Variants in DPP10 observed in about 807,000 individuals in gnomAD.
DPP10 encodes the protein dipeptidyl peptidase like 10, also known as inactive dipeptidyl peptidase 10.
A neutral mutation model predicts 120.9 loss-of-function variants in DPP10; 33 were observed. That is an observed-to-expected ratio of 0.27 (90% confidence interval 0.21 to 0.37). The LOEUF is 0.37. Among genes scored for constraint, DPP10 ranks in the 10% least tolerant of loss-of-function variants. The pLI, the probability that DPP10 is intolerant of heterozygous loss-of-function variation, is 1.00. For missense variants in DPP10, 816 were observed against 942.8 expected (o/e 0.87, Z 1.76); for synonymous variants, 337 against 326.1 (o/e 1.03, Z -0.36).
chr2:114,740,278 G>A (rs1257864045), intron 1 of DPP10, among the ~76,000 whole-genome samples: 2 of 148,376 alleles, frequency 1.3e-5, no homozygotes, highest in African/African-American at 5.0e-5. Flanking sequence ...AACACCGCAT[G>A]TTCTCACTCA....
chr2:115,394,645 A>G (rs1297610780), intron 3 of DPP10, among the ~76,000 whole-genome samples: 1 of 152,170 alleles, frequency 6.6e-6, no homozygotes, highest in Non-Finnish European at 1.5e-5. Context: ...AGCCCATATC[A>G]GATGCAATCT....
At chr2:115,825,616 T>C (rs1688230908) in intron 21 of DPP10, among the ~76,000 whole-genome samples, 2 of 152,212 alleles carry the variant, frequency 1.3e-5, no homozygotes, top group African/African-American at 4.8e-5. Context: ...AATTCAAACC[T>C]TTCCTATTCT....
chr2:115,219,397 TC>T (rs2057016297), intron 1 of DPP10, among the ~76,000 whole-genome samples: 1 of 152,096 alleles, frequency 6.6e-6, no homozygotes, highest in African/African-American at 2.4e-5. Context: ...TAAATACTTT[TC>T]CATAATCATC....
chr2:115,403,570 T>A (rs564687542), intron 3 of DPP10, among the ~76,000 whole-genome samples: 38 of 152,122 alleles, frequency 2.5e-4, no homozygotes, highest in African/African-American at 8.4e-4. Context: ...CAGCTAATTT[T>A]TGTATTTTCA....
chr2:115,176,904 T>G (rs553852129), intron 1 of DPP10, among the ~76,000 whole-genome samples: 1 of 152,350 alleles, frequency 6.6e-6, no homozygotes, highest in African/African-American at 2.4e-5. Flanking sequence ...ACCTGCTCCC[T>G]TAGGCAATGC....
intron 3 of DPP10, among the ~76,000 whole-genome samples, chr2:115,399,035 G>C (rs530303905): frequency 6.6e-6 from 1 of 151,988 alleles, no homozygotes; most frequent in Non-Finnish European, 1.5e-5. Context: ...GATTTGTATC[G>C]TTGATTATGC....
At chr2:114,471,024 C>A (rs998584358) in intron 1 of DPP10, among the ~76,000 whole-genome samples, 1 of 152,084 alleles carries the variant, frequency 6.6e-6, no homozygotes, top group Non-Finnish European at 1.5e-5. Flanking sequence ...GTTTGGAGGG[C>A]AGTAGATGAG....
At chr2:114,770,423 A>G (rs1297663513) in intron 1 of DPP10, among the ~76,000 whole-genome samples, 1 of 152,222 alleles carries the variant, frequency 6.6e-6, no homozygotes, top group Non-Finnish European at 1.5e-5. Flanking sequence ...TATACATGCT[A>G]GTAGTAATAC....
chr2:115,038,693 T>TC, intron 1 of DPP10, among the ~76,000 whole-genome samples: 1 of 152,178 alleles, frequency 6.6e-6, no homozygotes, highest in Non-Finnish European at 1.5e-5. Context: ...GTCTCCTTAA[T>TC]TGTCACATAA....
At chr2:114,610,222 T>C (rs920088102) in intron 1 of DPP10, among the ~76,000 whole-genome samples, 2 of 152,168 alleles carry the variant, frequency 1.3e-5, no homozygotes, top group Non-Finnish European at 2.9e-5. Flanking sequence ...GGTCTGTATT[T>C]GCCTTCTAGA....
chr2:115,560,409 T>A (rs1290225529), intron 5 of DPP10, among the ~76,000 whole-genome samples: 43 of 18,138 alleles, frequency 2.4e-3, no homozygotes, highest in African/African-American at 7.5e-3. Flanking sequence ...AAAAAATATA[T>A]ATATATATAT....
chr2:115,701,163 A>G (rs1339290358), intron 7 of DPP10, among the ~76,000 whole-genome samples: 1 of 152,122 alleles, frequency 6.6e-6, no homozygotes, highest in East Asian at 1.9e-4. Flanking sequence ...AAAGTTGGAG[A>G]ACTCACACTA....
At chr2:115,211,432 C>T (rs2056506284) in intron 1 of DPP10, among the ~76,000 whole-genome samples, 1 of 152,126 alleles carries the variant, frequency 6.6e-6, no homozygotes, top group Admixed American at 6.6e-5. Flanking sequence ...TTACTTCTTA[C>T]CAGTCCTACA....
In DPP10 at chr2:114,851,573, C is replaced by G. The variant is rs551516477; in HGVS notation, c.60+408735C>G. On this transcript the variant is annotated intron_variant, in intron 1 of 25. Transcript: ENST00000410059. The stretch of plus-strand genomic sequence containing the variant: ...AATAAAAATAAGTAAAAATCTTACA[C>G]TTAAGATTCTCAGTTTATTGGCATA... 2.6e-5 allele frequency among the ~76,000 whole-genome samples: 4 copies of G among 152,308 alleles called. No individual in the cohort carries two copies. In the East Asian group the frequency reaches 5.8e-4, roughly 22 times the overall value.
intron 1 of DPP10, among the ~76,000 whole-genome samples, chr2:114,446,955 T>C (rs889005137): frequency 2.6e-5 from 4 of 152,126 alleles, no homozygotes; most frequent in Non-Finnish European, 5.9e-5. Flanking sequence ...CAAATTGGTA[T>C]TTTGGAGTGT....
chr2:114,452,449 C>A (rs1431398681), intron 1 of DPP10, among the ~76,000 whole-genome samples: 1 of 152,102 alleles, frequency 6.6e-6, no homozygotes, highest in Non-Finnish European at 1.5e-5. Context: ...TTTCTATAAT[C>A]ATAAAACTTT....
intron 3 of DPP10, chr2:115,468,974 C>G: frequency 4.5e-6 from 1 of 223,738 alleles, no homozygotes; most frequent in Non-Finnish European, 8.7e-6. Context: ...TTTTTTTTTC[C>G]TCCTGAGACG....
Position 114,452,051 on chromosome 2 carries a change from A to G in DPP10, c.60+9213A>G, listed in dbSNP as rs114956295. Among the ~76,000 whole-genome samples the G allele has an allele frequency of 6.3e-3, 961 of 152,302 alleles. 2 individuals carry two copies. The highest frequency in any genetic ancestry group is 0.01 in the Non-Finnish European group (696 of 68,008). On this transcript the variant is annotated intron_variant, in intron 1 of 25. Transcript: ENST00000410059. ...AATACTAATTTAGTGGTAGCCTTAT[A>G]ATCTAAAAGTATCTTTTTTGACTAA...
At chr2:115,682,642 A>G (rs1482535528) in intron 5 of DPP10, among the ~76,000 whole-genome samples, 1 of 151,882 alleles carries the variant, frequency 6.6e-6, no homozygotes, top group Non-Finnish European at 1.5e-5. Context: ...CTATTAATAC[A>G]TAGGCCAGTT....
Sources: allele counts gnomAD v4.1 joint callset (sites outside exome capture counted in the v4.1 genomes callset), GRCh38; gene constraint gnomAD v4.1.1; transcripts MANE v1.5; gene names NCBI Gene and HGNC (gene_info 2026-07-23, HGNC 2026-07-21).